The following LEMD1 variants were observed in gnomAD, a reference collection of about 807,000 sequenced individuals.
LEMD1 encodes LEM domain containing 1.
A neutral mutation model predicts 17.4 loss-of-function variants in LEMD1; 18 were observed. The ratio of observed to expected loss-of-function variants is 1.04; its 90% CI spans 0.72 to 1.54. The LOEUF (loss-of-function observed/expected upper bound fraction) is 1.54, where lower values mean the gene tolerates loss of function less well. Ranked by LOEUF, LEMD1 falls within the 40% of genes most tolerant of loss-of-function variation. The pLI, the probability that LEMD1 is intolerant of heterozygous loss-of-function variation, is 0.00. For missense variants in LEMD1, 195 were observed against 210.4 expected (o/e 0.93, Z 0.45); for synonymous variants, 88 against 77.8 (o/e 1.13, Z -0.69).
chr1:205,421,406 T>C (rs1665953727), intron 1 of LEMD1, among the ~76,000 whole-genome samples: 3 of 152,234 alleles, frequency 2.0e-5, no homozygotes, highest in African/African-American at 7.2e-5. Context: ...TCAAGGCTTT[T>C]TAATACTGCA....
intron 3 of LEMD1, among the ~76,000 whole-genome samples, chr1:205,417,446 A>T: frequency 6.6e-6 from 1 of 152,176 alleles, no homozygotes; most frequent in East Asian, 1.9e-4. Context: ...ACAGTTCTGA[A>T]ATCTTCAACC....
intron 4 of LEMD1, among the ~76,000 whole-genome samples, chr1:205,412,224 A>G (rs892096646): frequency 6.6e-6 from 1 of 152,184 alleles, no homozygotes; most frequent in Non-Finnish European, 1.5e-5. Flanking sequence ...CCCGTTTGGT[A>G]GAAGGGCACT....
At chr1:205,420,345 T>A in intron 2 of LEMD1, 110 bp downstream of exon 2, 1 of 810,146 alleles carries the variant, frequency 1.2e-6, no homozygotes, top group Non-Finnish European at 2.0e-6. Flanking sequence ...CTGTTTTCTC[T>A]ATGTTCCTAT....
intron 1 of LEMD1, among the ~76,000 whole-genome samples, chr1:205,427,309 C>A (rs1199372509): frequency 6.6e-6 from 1 of 151,886 alleles, no homozygotes; most frequent in East Asian, 1.9e-4. Context: ...GACAACATGG[C>A]TCTGGGGTCC....
chr1:205,420,622 G>A (rs1665919637), intron 1 of LEMD1, 48 bp from the exon 2 acceptor site: 1 of 996,982 alleles, frequency 1.0e-6, no homozygotes, highest in Non-Finnish European at 1.6e-6. Flanking sequence ...TTACCAATAA[G>A]TACTAAAATG....
intron 4 of LEMD1, among the ~76,000 whole-genome samples, chr1:205,402,890 A>G (rs1664916301): frequency 6.6e-6 from 1 of 152,044 alleles, no homozygotes; most frequent in Non-Finnish European, 1.5e-5. Context: ...TACCTAATTT[A>G]TTGAAAGTTT....
At chr1:205,381,903 A>G (rs756572054) in intron 5 of LEMD1, 47 bp from the exon 6 acceptor site, 1 of 1,589,378 alleles carries the variant, frequency 6.3e-7, no homozygotes, top group South Asian at 1.1e-5. Context: ...GCTGTGGTGC[A>G]CTTGAGTAGC....
chr1:205,389,642 C>A (rs1311791901), intron 4 of LEMD1, among the ~76,000 whole-genome samples: 1 of 152,202 alleles, frequency 6.6e-6, no homozygotes, highest in African/African-American at 2.4e-5. Context: ...TCTCTCCAAA[C>A]TGAAACATAA....
intron 4 of LEMD1, among the ~76,000 whole-genome samples, chr1:205,407,818 T>C (rs1001555938): frequency 6.6e-6 from 1 of 152,202 alleles, no homozygotes; most frequent in African/African-American, 2.4e-5. Context: ...GATCTGACGC[T>C]AACTCCAGGT....
chr1:205,434,797 T>G (rs1666179206), intron 1 of LEMD1: 1 of 152,250 alleles, frequency 6.6e-6, no homozygotes, highest in Non-Finnish European at 1.5e-5. Flanking sequence ...AACAAATGTT[T>G]AGCTTCTGCT....
intron 1 of LEMD1, among the ~76,000 whole-genome samples, chr1:205,445,742 G>A (rs962015611): frequency 2.0e-5 from 3 of 152,196 alleles, no homozygotes; most frequent in South Asian, 2.1e-4. Context: ...CTGGCCCACC[G>A]TAAGAGTGGG....
chr1:205,404,974 T>C (rs12128093), intron 4 of LEMD1, among the ~76,000 whole-genome samples: 29,574 of 152,204 alleles, frequency 0.19, 3,686 homozygotes, highest in East Asian at 0.44. Context: ...TTAGTTTGGC[T>C]GGATATGAAA....
intron 4 of LEMD1, among the ~76,000 whole-genome samples, chr1:205,391,273 C>T (rs1246238234): frequency 6.6e-6 from 1 of 152,004 alleles, no homozygotes; most frequent in Non-Finnish European, 1.5e-5. Context: ...TAAAACAAGC[C>T]TATGAAGACT....
chr1:205,393,116 G>A (rs897610479), intron 4 of LEMD1, among the ~76,000 whole-genome samples: 1 of 151,620 alleles, frequency 6.6e-6, no homozygotes, highest in Admixed American at 6.6e-5. Flanking sequence ...ATATATCTGG[G>A]GTCTATTATC....
chr1:205,398,848 C>G (rs1408587037), intron 4 of LEMD1, among the ~76,000 whole-genome samples: 1 of 152,140 alleles, frequency 6.6e-6, no homozygotes. Context: ...GTTCCGTGGT[C>G]ACGGACATAG....
intron 3 of LEMD1, 145 bp downstream of exon 3, chr1:205,419,085 C>T: frequency 1.2e-6 from 1 of 840,212 alleles, no homozygotes; most frequent in Non-Finnish European, 1.8e-6. Flanking sequence ...AGCCCAGGGG[C>T]CTATTTTCCA....
intron 4 of LEMD1, among the ~76,000 whole-genome samples, chr1:205,411,750 T>A (rs1665464543): frequency 6.6e-6 from 1 of 151,964 alleles, no homozygotes; most frequent in Admixed American, 6.6e-5. Flanking sequence ...AGACTGATTC[T>A]TGGGCCCAGA....
intron 4 of LEMD1, among the ~76,000 whole-genome samples, chr1:205,412,949 G>A (rs1665519360): frequency 6.6e-6 from 1 of 152,192 alleles, no homozygotes; most frequent in Non-Finnish European, 1.5e-5. Flanking sequence ...GCAGAACTGA[G>A]GTTTACCGAA....
At chr1:205,442,421 C>T (rs1283854823) in intron 1 of LEMD1, among the ~76,000 whole-genome samples, 3 of 152,188 alleles carry the variant, frequency 2.0e-5, no homozygotes, top group African/African-American at 7.2e-5. Flanking sequence ...GATGGTGGCT[C>T]TCTGGACAGT....
Sources: gnomAD v4.1 joint callset for allele counts (sites outside exome capture counted in the v4.1 genomes callset) on GRCh38, gnomAD v4.1.1 for gene constraint, MANE v1.5 for transcripts, NCBI Gene and HGNC (gene_info 2026-07-23, HGNC 2026-07-21) for gene names.